Variants in UNC5D observed in about 807,000 individuals in gnomAD.
UNC5D encodes the protein netrin receptor UNC5D.
UNC5D carries 39 observed loss-of-function variants against 105.4 expected under a neutral mutation model. That is an observed-to-expected ratio of 0.37 (90% CI 0.29 to 0.48). UNC5D has a LOEUF of 0.48. Among genes scored for constraint, UNC5D ranks in the 20% least tolerant of loss-of-function variants. UNC5D has a pLI of 0.98. For synonymous variants in UNC5D, 452 were observed against 450.4 expected (o/e 1.00, Z -0.04); for missense variants, 991 against 1,202.4 (o/e 0.82, Z 2.60).
chr8:35,713,073 T>C (rs1368415310), intron 8 of UNC5D, among the ~76,000 whole-genome samples: 1 of 152,196 alleles, frequency 6.6e-6, no homozygotes, highest in Non-Finnish European at 1.5e-5. Context: ...CTATTTTTTA[T>C]GATCTAATGT....
At position 35,429,651 on chromosome 8, in the gene UNC5D, A is replaced by G. The variant is rs138947303; in HGVS notation, c.104-119641A>G. On this transcript the variant is annotated intron_variant, in intron 1 of 16. Transcript: ENST00000404895. ...TTTTTTCCATTTTATCAATCTTATA[A>G]CAGTGCAATTTGTGCATGATAAACT... 2.7e-3 allele frequency among the ~76,000 whole-genome samples: 404 copies of G among 152,264 alleles called. 2 individuals are homozygous for G. Among genetic ancestry groups the G allele is most frequent in the African/African-American group, 9.1e-3 (378 of 41,562 alleles).
chr8:35,698,519 T>G (rs2131408209), intron 7 of UNC5D, among the ~76,000 whole-genome samples: 1 of 152,270 alleles, frequency 6.6e-6, no homozygotes, highest in East Asian at 1.9e-4. Context: ...ACAGTATTTA[T>G]TTTTCTGCAT....
chr8:35,372,470 G>C (rs946371171), intron 1 of UNC5D, among the ~76,000 whole-genome samples: 7 of 152,040 alleles, frequency 4.6e-5, no homozygotes, highest in Admixed American at 3.9e-4. Context: ...ATTTTGGGGG[G>C]TTATGATACT....
chr8:35,235,666 G>A lies in UNC5D; in HGVS notation c.-119G>A. 1.3e-6 allele frequency: 1 copy of A among 744,134 alleles called. No individual in the cohort carries two copies. Among genetic ancestry groups the A allele is most frequent in the Non-Finnish European group, 1.8e-6 (1 of 544,836 alleles). 46.1% of individuals were successfully genotyped at this position (744,134 alleles called of 1,614,324 possible). A position where few individuals can be genotyped will look rare whatever the true frequency, so the allele number is the denominator to read the frequency against. ...CCCGCTGCTTTAGGAAGCGATCGTG[G>A]AGCAGAGTCACTCTCTGAAGACTCC... is the stretch of plus-strand genomic sequence containing the variant. On this transcript the variant is annotated 5_prime_UTR_variant, in exon 1 of 17. Coordinates refer to ENST00000404895, the MANE Select transcript of UNC5D (RefSeq NM_080872.4).
At chr8:35,568,974 T>C (rs1222030852) in intron 3 of UNC5D, among the ~76,000 whole-genome samples, 1 of 151,594 alleles carries the variant, frequency 6.6e-6, no homozygotes, top group Non-Finnish European at 1.5e-5. Flanking sequence ...TATAACCTAC[T>C]GTTCAATCTC....
At chr8:35,305,447 C>A (rs1808261794) in intron 1 of UNC5D, among the ~76,000 whole-genome samples, 1 of 152,034 alleles carries the variant, frequency 6.6e-6, no homozygotes, top group African/African-American at 2.4e-5. Flanking sequence ...CAGGAAATCA[C>A]CCCTCTGGAG....
intron 13 of UNC5D, among the ~76,000 whole-genome samples, chr8:35,755,054 G>C (rs1830453476): frequency 1.3e-5 from 2 of 152,012 alleles, no homozygotes; most frequent in South Asian, 4.2e-4. Context: ...TTGTATGTTT[G>C]ACATCACCTC....
intron 3 of UNC5D, among the ~76,000 whole-genome samples, chr8:35,594,833 A>T (rs1171255128): frequency 6.6e-6 from 1 of 152,164 alleles, no homozygotes; most frequent in African/African-American, 2.4e-5. Context: ...CTCTGTGACC[A>T]CTGGCAAGCG....
At chr8:35,400,574 T>C (rs556905791) in intron 1 of UNC5D, among the ~76,000 whole-genome samples, 1 of 152,290 alleles carries the variant, frequency 6.6e-6, no homozygotes, top group South Asian at 2.1e-4. Context: ...AACCCTGCAC[T>C]CACCTCTCCT....
chr8:35,527,314 G>A (rs1274975096), intron 1 of UNC5D, among the ~76,000 whole-genome samples: 1 of 152,120 alleles, frequency 6.6e-6, no homozygotes, highest in Non-Finnish European at 1.5e-5. Flanking sequence ...CCTGAAAGAT[G>A]GGCATCTGTC....
chr8:35,271,354 C>T (rs7814181), intron 1 of UNC5D, among the ~76,000 whole-genome samples: 43,787 of 69,398 alleles, frequency 0.63, 13,891 homozygotes, highest in East Asian at 0.88. Flanking sequence ...TATGTATATG[C>T]ATACACACGT....
intron 16 of UNC5D, among the ~76,000 whole-genome samples, chr8:35,785,507 A>C (rs560798456): frequency 1.1e-3 from 160 of 152,036 alleles, no homozygotes; most frequent in Admixed American, 2.7e-3. Flanking sequence ...GTACAGGCAC[A>C]TGCCACCATG....
intron 1 of UNC5D, among the ~76,000 whole-genome samples, chr8:35,427,949 G>A (rs1806357965): frequency 6.6e-6 from 1 of 152,144 alleles, no homozygotes; most frequent in Non-Finnish European, 1.5e-5. Flanking sequence ...GTATCATAGA[G>A]TCCTGGTTTA....
rs549047138 is a variant in UNC5D, at chr8:35,791,788, T to G, written c.*1225T>G. 1 of 152,292 alleles carries G rather than the reference T, an allele frequency of 6.6e-6. No individual in the cohort carries two copies. Among genetic ancestry groups the G allele is most frequent in the East Asian group, 1.9e-4 (1 of 5,180 alleles). The allele number at this position is 152,292 out of a possible 1,614,324, so 9.4% of individuals were successfully genotyped here. On this transcript the variant is annotated 3_prime_UTR_variant, in exon 17 of 17. Coordinates refer to ENST00000404895, the MANE Select transcript of UNC5D (RefSeq NM_080872.4). ...GACTATTCAGCCTCCCTGAATATGC[T>G]TTCTCTATAGAACCACTAACATATG...
At chr8:35,433,102 C>T (rs956297960) in intron 1 of UNC5D, among the ~76,000 whole-genome samples, 2 of 152,128 alleles carry the variant, frequency 1.3e-5, no homozygotes, top group Non-Finnish European at 2.9e-5. Context: ...GATGTGAAAG[C>T]TAACACATTT....
intron 1 of UNC5D, among the ~76,000 whole-genome samples, chr8:35,368,879 A>G (rs1372737018): frequency 5.9e-5 from 9 of 152,116 alleles, no homozygotes; most frequent in Non-Finnish European, 2.9e-5. Context: ...TCTGTTTGCA[A>G]GCCAAGAACA....
At chr8:35,600,948 C>T (rs1819834356) in intron 4 of UNC5D, among the ~76,000 whole-genome samples, 1 of 152,020 alleles carries the variant, frequency 6.6e-6, no homozygotes, top group Non-Finnish European at 1.5e-5. Flanking sequence ...ACATTTAAGT[C>T]TTTAATCCAT....
At chr8:35,276,604 C>G (rs938556342) in intron 1 of UNC5D, among the ~76,000 whole-genome samples, 1 of 152,180 alleles carries the variant, frequency 6.6e-6, no homozygotes, top group Non-Finnish European at 1.5e-5. Context: ...ATTCCACATT[C>G]ACTAAGCAAT....
chr8:35,452,319 C>T (rs1304159550), intron 1 of UNC5D, among the ~76,000 whole-genome samples: 1 of 152,088 alleles, frequency 6.6e-6, no homozygotes, highest in Non-Finnish European at 1.5e-5. Flanking sequence ...GGCTGGAGTG[C>T]AGTGGCACAA....
Sources: gnomAD v4.1 joint callset for allele counts (sites outside exome capture counted in the v4.1 genomes callset) on GRCh38, gnomAD v4.1.1 for gene constraint, MANE v1.5 for transcripts, NCBI Gene and HGNC (gene_info 2026-07-23, HGNC 2026-07-21) for gene names.